MAML2: variants seen among roughly 807,000 people sequenced by gnomAD.
MAML2 encodes mastermind like transcriptional coactivator 2.
MAML2 carries 22 observed loss-of-function variants against 96.1 expected under a neutral mutation model. That is an observed-to-expected ratio of 0.23 (90% CI 0.16 to 0.33). The LOEUF is 0.33. Among genes scored for constraint, MAML2 ranks in the 10% least tolerant of loss-of-function variants. The probability of loss-of-function intolerance (pLI) is 1.00; values close to 1 mark genes in which losing one functional copy is unlikely to be tolerated. For synonymous variants in MAML2, 561 were observed against 521.3 expected (o/e 1.08, Z -1.04); for missense variants, 1,367 against 1,392.4 (o/e 0.98, Z 0.29).
chr11:96,057,372 C>T (rs551123083), intron 2 of MAML2, among the ~76,000 whole-genome samples: 18 of 152,282 alleles, frequency 1.2e-4, no homozygotes, highest in Admixed American at 2.0e-4. Context: ...TTATCCATCC[C>T]TCCATCTCTT....
chr11:96,087,011 G>T (rs755345884), intron 2 of MAML2, among the ~76,000 whole-genome samples: 3 of 152,140 alleles, frequency 2.0e-5, no homozygotes, highest in Non-Finnish European at 4.4e-5. Context: ...CTTAATTTAG[G>T]CAGCATAGTA....
chr11:96,022,592 G>A (rs144491910), intron 2 of MAML2, among the ~76,000 whole-genome samples: 126 of 141,350 alleles, frequency 8.9e-4, no homozygotes, highest in African/African-American at 2.9e-3. Context: ...TCTGTCCCCC[G>A]AATATCTGTA....
At chr11:96,295,516 C>T (rs78745939) in intron 1 of MAML2, among the ~76,000 whole-genome samples, 4,405 of 152,246 alleles carry the variant, frequency 0.029, 80 homozygotes, top group South Asian at 0.049. Context: ...GACGAAATGC[C>T]TATCATCTGG....
intron 1 of MAML2, among the ~76,000 whole-genome samples, chr11:96,278,768 C>A (rs1203383187): frequency 6.6e-6 from 1 of 152,192 alleles, no homozygotes; most frequent in Non-Finnish European, 1.5e-5. Context: ...TCACAAAGGT[C>A]TTTGTGTGCT....
chr11:96,001,439 T>C (rs1357412086), intron 2 of MAML2, among the ~76,000 whole-genome samples: 1 of 152,216 alleles, frequency 6.6e-6, no homozygotes, highest in African/African-American at 2.4e-5. Context: ...TTTAGCTTTC[T>C]GCCTCTAGAG....
At chr11:96,321,299 T>C (rs1452220124) in intron 1 of MAML2, among the ~76,000 whole-genome samples, 1 of 152,214 alleles carries the variant, frequency 6.6e-6, no homozygotes, top group Non-Finnish European at 1.5e-5. Flanking sequence ...ACACTACTTT[T>C]AGAATCTTAA....
intron 1 of MAML2, among the ~76,000 whole-genome samples, chr11:96,106,481 G>A (rs1860022628): frequency 6.6e-6 from 1 of 152,004 alleles, no homozygotes; most frequent in South Asian, 2.1e-4. Flanking sequence ...CACTAACCTG[G>A]GCCTTGGGTA....
rs1862626667 is a variant in MAML2 at position 96,254,077 on chromosome 11, CA to C, written c.513+87305del. ...TGTGAGACTTCTGGGAGAATTTTGA[CA>C]GGTCCTATTAGAGGTATTTTAAAAC... is the stretch of plus-strand genomic sequence containing the variant. On this transcript the variant is annotated intron_variant, in intron 1 of 4. Transcript: ENST00000524717. Among the ~76,000 whole-genome samples, 13 of 152,316 alleles carry C rather than the reference CA, an allele frequency of 8.5e-5. No individual in the cohort carries two copies. In the South Asian group the frequency reaches 2.7e-3, roughly 32 times the overall value.
intron 2 of MAML2, among the ~76,000 whole-genome samples, chr11:96,089,811 C>A (rs1265153937): frequency 2.6e-5 from 4 of 151,610 alleles, no homozygotes; most frequent in African/African-American, 9.7e-5. Flanking sequence ...GAAGAGAGGC[C>A]CTTAACTTGA....
At chr11:96,233,950 A>T (rs1285217751) in intron 1 of MAML2, among the ~76,000 whole-genome samples, 5 of 152,108 alleles carry the variant, frequency 3.3e-5, no homozygotes, top group Non-Finnish European at 1.5e-5. Flanking sequence ...AAAATTAGAA[A>T]TCCAGCCCTC....
At chr11:96,028,786 T>C (rs1858565216) in intron 2 of MAML2, among the ~76,000 whole-genome samples, 1 of 152,254 alleles carries the variant, frequency 6.6e-6, no homozygotes, top group African/African-American at 2.4e-5. Flanking sequence ...ATAACATTGC[T>C]GTCCTTTATT....
At chr11:96,249,366 A>G (rs1862553177) in intron 1 of MAML2, among the ~76,000 whole-genome samples, 2 of 152,236 alleles carry the variant, frequency 1.3e-5, no homozygotes, top group South Asian at 4.1e-4. Flanking sequence ...CTAGCCTTAA[A>G]TACATAAATG....
At chr11:96,000,687 CTAAAAAACAACT>C in intron 2 of MAML2, among the ~76,000 whole-genome samples, 1 of 152,232 alleles carries the variant, frequency 6.6e-6, no homozygotes, top group South Asian at 2.1e-4. Context: ...ACAGCAGGAA[CTAAAAAACAACT>C]TACAGATCTT....
At chr11:96,065,647 G>A (rs912564541) in intron 2 of MAML2, among the ~76,000 whole-genome samples, 8 of 152,206 alleles carry the variant, frequency 5.3e-5, no homozygotes, top group African/African-American at 1.9e-4. Flanking sequence ...TACAGTAACT[G>A]CTTGTCATAA....
intron 2 of MAML2, among the ~76,000 whole-genome samples, chr11:96,034,032 T>C (rs1422373639): frequency 3.9e-5 from 6 of 152,210 alleles, no homozygotes; most frequent in Non-Finnish European, 8.8e-5. Flanking sequence ...CTCCCTATTG[T>C]TGGCCAATCC....
At chr11:96,180,315 A>AT (rs1190946557) in intron 1 of MAML2, among the ~76,000 whole-genome samples, 1 of 152,178 alleles carries the variant, frequency 6.6e-6, no homozygotes, top group Non-Finnish European at 1.5e-5. Flanking sequence ...CAGAGCCAGA[A>AT]TGTGTGACTT....
chr11:96,307,279 T>C (rs1045351302), intron 1 of MAML2, among the ~76,000 whole-genome samples: 1 of 152,166 alleles, frequency 6.6e-6, no homozygotes, highest in Non-Finnish European at 1.5e-5. Context: ...GCAACGGAGA[T>C]CAAGTTGCCT....
rs541655773 is a variant in MAML2 at position 96,317,277 on chromosome 11, G to A, written c.513+24106C>T. 5.3e-5 allele frequency among the ~76,000 whole-genome samples: 8 copies of A among 152,242 alleles called. No homozygotes were observed. In the East Asian group the frequency reaches 9.7e-4, roughly 18 times the overall value. ...CTGGAAGCATAGATAGCTTTAAAACGTCTATGCTTCAGTGTCTTCAAAGCT... is the reference window on the plus strand; with the variant it reads ...CTGGAAGCATAGATAGCTTTAAAACATCTATGCTTCAGTGTCTTCAAAGCT... On this transcript the variant is annotated intron_variant, in intron 1 of 4. Coordinates refer to ENST00000524717, the MANE Select transcript of MAML2 (RefSeq NM_032427.4).
At chr11:96,055,431 GA>G (rs536549539) in intron 2 of MAML2, among the ~76,000 whole-genome samples, 111 of 151,656 alleles carry the variant, frequency 7.3e-4, no homozygotes, top group South Asian at 6.3e-4. Flanking sequence ...AGGCAGGGGG[GA>G]AAAAAAAGAG....
Sources: allele counts gnomAD v4.1 joint callset (sites outside exome capture counted in the v4.1 genomes callset), GRCh38; gene constraint gnomAD v4.1.1; transcripts MANE v1.5; gene names NCBI Gene and HGNC (gene_info 2026-07-23, HGNC 2026-07-21).